PACS1: variants seen among roughly 807,000 people sequenced by gnomAD.
PACS1 encodes the protein PACS-1.
PACS1 carries 24 observed loss-of-function variants against 115.0 expected under a neutral mutation model. The observed-to-expected ratio is 0.21, with a 90% CI of 0.15 to 0.29. PACS1 has a LOEUF of 0.29. PACS1 is among the 10% of genes least tolerant of loss of function. PACS1 has a pLI of 1.00. For missense variants in PACS1, 838 were observed against 1,251.2 expected (o/e 0.67, Z 4.98); for synonymous variants, 453 against 504.5 (o/e 0.90, Z 1.37).
intron 1 of PACS1, among the ~76,000 whole-genome samples, chr11:66,096,944 A>G (rs372033292): frequency 4.7e-5 from 6 of 127,904 alleles, no homozygotes; most frequent in African/African-American, 9.2e-5. Context: ...GTGGAATCCT[A>G]TTGCCTCACA....
chr11:66,209,100 C>T (rs531909307), intron 2 of PACS1, among the ~76,000 whole-genome samples: 19 of 152,136 alleles, frequency 1.2e-4, no homozygotes, highest in South Asian at 8.3e-4. Flanking sequence ...GGCTGTCTAA[C>T]CCAAATACAA....
intron 1 of PACS1, among the ~76,000 whole-genome samples, chr11:66,160,937 G>C (rs936794051): frequency 6.6e-6 from 1 of 152,130 alleles, no homozygotes; most frequent in African/African-American, 2.4e-5. Context: ...CATGGACTCT[G>C]AAGCCACCTA....
intron 2 of PACS1, among the ~76,000 whole-genome samples, chr11:66,202,183 A>G (rs1212767956): frequency 6.6e-6 from 1 of 152,242 alleles, no homozygotes; most frequent in Non-Finnish European, 1.5e-5. Flanking sequence ...AGATTGAACC[A>G]TGAAGAAATT....
intron 1 of PACS1, among the ~76,000 whole-genome samples, chr11:66,124,123 AC>A (rs1343207841): frequency 6.6e-6 from 1 of 152,254 alleles, no homozygotes; most frequent in East Asian, 1.9e-4. Context: ...TAGTGGGAAG[AC>A]AAATATTTAA....
rs568339232 is a variant in PACS1 at position 66,191,132 on chromosome 11, G to A, written c.357-2354G>A. 3.3e-5 allele frequency among the ~76,000 whole-genome samples: 5 copies of A among 152,326 alleles called. No individual in the cohort carries two copies. The South Asian group carries it at 6.2e-4, about 19-fold the overall frequency. On this transcript the variant is annotated intron_variant, in intron 1 of 23. Coordinates refer to ENST00000320580, the MANE Select transcript of PACS1 (RefSeq NM_018026.4). ...CTTCTGGAGGCTGCAAGGAAGGACT[G>A]TTTTCTTGCCTTTTCCTGCTTCTTG...
intron 1 of PACS1, among the ~76,000 whole-genome samples, chr11:66,188,200 T>C (rs985713808): frequency 6.6e-6 from 1 of 151,664 alleles, no homozygotes; most frequent in Non-Finnish European, 1.5e-5. Context: ...ATTTCAGTTC[T>C]TTGTATATTC....
chr11:66,093,521 T>C (rs539034964), intron 1 of PACS1, among the ~76,000 whole-genome samples: 232 of 143,664 alleles, frequency 1.6e-3, no homozygotes, highest in Non-Finnish European at 2.8e-3. Context: ...ATGCACCCAA[T>C]ACAGGAGCAC....
intron 1 of PACS1, among the ~76,000 whole-genome samples, chr11:66,189,769 G>A (rs1330385812): frequency 6.6e-6 from 1 of 152,182 alleles, no homozygotes; most frequent in African/African-American, 2.4e-5. Context: ...TGTTTGCTTT[G>A]AAAACAAGGA....
intron 5 of PACS1, 104 bp from the exon 6 acceptor site, chr11:66,216,416 T>C: frequency 1.4e-6 from 2 of 1,412,806 alleles, no homozygotes; most frequent in Admixed American, 1.7e-5. Flanking sequence ...CCCTCCACCC[T>C]GGCTGTGTTT....
At chr11:66,134,452 C>T (rs1318187471) in intron 1 of PACS1, among the ~76,000 whole-genome samples, 1 of 151,500 alleles carries the variant, frequency 6.6e-6, no homozygotes. Context: ...ATTTCTTCAG[C>T]TTTCTCTGGC....
intron 1 of PACS1, among the ~76,000 whole-genome samples, chr11:66,171,297 C>T (rs1859731803): frequency 6.7e-6 from 1 of 150,172 alleles, no homozygotes. Context: ...TATTATATAT[C>T]TGGTATAACT....
At chr11:66,102,792 GGAGT>G (rs1258818182) in intron 1 of PACS1, among the ~76,000 whole-genome samples, 2 of 152,032 alleles carry the variant, frequency 1.3e-5, no homozygotes, top group Admixed American at 6.6e-5. Flanking sequence ...ACTGAACCTC[GGAGT>G]GAGATGACCT....
chr11:66,075,762 C>T lies in PACS1; in HGVS notation c.356+4920C>T, dbSNP rs190740243. On this transcript the variant is annotated intron_variant, in intron 1 of 23. Coordinates refer to ENST00000320580, the MANE Select transcript of PACS1 (RefSeq NM_018026.4). ...CCTTTTTTTTTTTTTTTTTTTGAGA[C>T]GGAGTCTCGCTCTGTCCCCCGGCTG... Among the ~76,000 whole-genome samples the T allele has an allele frequency of 3.8e-3, 497 of 130,336 alleles. 3 individuals are homozygous for T. Among genetic ancestry groups the T allele is most frequent in the African/African-American group, 0.014 (471 of 33,972 alleles). The allele number at this position is 130,336 out of a possible 152,430, so 85.5% of individuals were successfully genotyped here.
intron 1 of PACS1, among the ~76,000 whole-genome samples, chr11:66,113,357 C>T (rs1354120207): frequency 6.6e-6 from 1 of 152,152 alleles, no homozygotes; most frequent in Non-Finnish European, 1.5e-5. Flanking sequence ...TGAATCAGTT[C>T]CAACATCCTT....
chr11:66,090,271 CTTT>C (rs930565654), intron 1 of PACS1, among the ~76,000 whole-genome samples: 1 of 109,438 alleles, frequency 9.1e-6, no homozygotes, highest in Non-Finnish European at 1.8e-5. Context: ...TCTTTCCTTT[CTTT>C]TTTTTTTTTT....
At chr11:66,238,995 T>C in intron 20 of PACS1, 147 bp from the exon 21 acceptor site, 2 of 1,376,638 alleles carry the variant, frequency 1.5e-6, no homozygotes, top group Non-Finnish European at 2.0e-6. Context: ...ACTCCCCTGC[T>C]GCGGTGGTGG....
At chr11:66,188,764 A>C (rs1195960384) in intron 1 of PACS1, among the ~76,000 whole-genome samples, 1 of 152,222 alleles carries the variant, frequency 6.6e-6, no homozygotes, top group Non-Finnish European at 1.5e-5. Context: ...AGTCAGCATG[A>C]GTCATCCTCA....
intron 1 of PACS1, among the ~76,000 whole-genome samples, chr11:66,078,312 G>C (rs1857428800): frequency 6.6e-6 from 1 of 152,178 alleles, no homozygotes; most frequent in African/African-American, 2.4e-5. Flanking sequence ...AATATAGGTA[G>C]ATGTGAAAGG....
At chr11:66,098,451 C>T (rs902545501) in intron 1 of PACS1, among the ~76,000 whole-genome samples, 28 of 152,146 alleles carry the variant, frequency 1.8e-4, no homozygotes, top group African/African-American at 6.8e-4. Context: ...ATTTCTCTCT[C>T]TAAATCAGTT....
Sources: gnomAD v4.1 joint callset for allele counts (sites outside exome capture counted in the v4.1 genomes callset) on GRCh38, gnomAD v4.1.1 for gene constraint, MANE v1.5 for transcripts, NCBI Gene and HGNC (gene_info 2026-07-23, HGNC 2026-07-21) for gene names.